The following FOXP1 variants were observed in gnomAD, a reference collection of about 807,000 sequenced individuals.
FOXP1 encodes the protein forkhead box P1.
FOXP1 carries 15 observed loss-of-function variants against 98.2 expected under a neutral mutation model. That is an observed-to-expected ratio of 0.15 (90% CI 0.10 to 0.24). The LOEUF (loss-of-function observed/expected upper bound fraction) is 0.24, where lower values mean the gene tolerates loss of function less well. Among genes scored for constraint, FOXP1 ranks in the 10% least tolerant of loss-of-function variants. The pLI is 1.00. For missense variants in FOXP1, 633 were observed against 848.5 expected, an observed-to-expected ratio of 0.75 and a Z score of 3.15; for synonymous variants, 371 against 314.5, an observed-to-expected ratio of 1.18 and a Z score of -1.90.
intron 5 of FOXP1, among the ~76,000 whole-genome samples, chr3:71,285,941 G>A (rs1328470902): frequency 6.6e-6 from 1 of 152,192 alleles, no homozygotes; most frequent in Non-Finnish European, 1.5e-5. Context: ...ATAAAGTCAT[G>A]TATCACTTCA....
At chr3:71,237,995 T>G (rs2066941368) in intron 5 of FOXP1, among the ~76,000 whole-genome samples, 1 of 152,342 alleles carries the variant, frequency 6.6e-6, no homozygotes, top group South Asian at 2.1e-4. Context: ...TAGGAGATTC[T>G]CAGTTACTTA....
intron 6 of FOXP1, among the ~76,000 whole-genome samples, chr3:71,158,031 T>C (rs1289567114): frequency 6.8e-6 from 1 of 147,218 alleles, no homozygotes; most frequent in East Asian, 2.0e-4. Flanking sequence ...GAGGTTACAG[T>C]GAGCCAAGAT....
At chr3:71,130,581 G>T (rs1176824106) in intron 6 of FOXP1, 3 of 1,598,458 alleles carry the variant, frequency 1.9e-6, no homozygotes, top group Non-Finnish European at 2.5e-6. Flanking sequence ...GGTTCTGGCT[G>T]TTTCTGCGAA....
At chr3:71,219,703 G>C (rs1183043725) in intron 5 of FOXP1, among the ~76,000 whole-genome samples, 1 of 152,184 alleles carries the variant, frequency 6.6e-6, no homozygotes, top group East Asian at 1.9e-4. Context: ...GGATTAAATA[G>C]AATAATACTA....
intron 5 of FOXP1, among the ~76,000 whole-genome samples, chr3:71,268,562 A>C (rs887701593): frequency 1.5e-5 from 2 of 129,834 alleles, no homozygotes; most frequent in Non-Finnish European, 3.1e-5. Flanking sequence ...TGAGAAAAAC[A>C]ACCAACATGG....
intron 6 of FOXP1, among the ~76,000 whole-genome samples, chr3:71,142,907 G>T (rs1461747832): frequency 6.6e-6 from 1 of 152,116 alleles, no homozygotes; most frequent in African/African-American, 2.4e-5. Context: ...TTCTCTTAAT[G>T]AGTAAGAACT....
intron 6 of FOXP1, among the ~76,000 whole-genome samples, chr3:71,135,858 T>A (rs1412694628): frequency 6.6e-6 from 1 of 152,146 alleles, no homozygotes; most frequent in Non-Finnish European, 1.5e-5. Context: ...ATTTAACTCT[T>A]CAAGGGCCAG....
At chr3:71,082,161 C>G (rs2054498169) in intron 7 of FOXP1, among the ~76,000 whole-genome samples, 1 of 152,020 alleles carries the variant, frequency 6.6e-6, no homozygotes. Flanking sequence ...CGCCTGTAAT[C>G]CCAGCTACTC....
chr3:71,259,017 C>A (rs769599063), intron 5 of FOXP1, among the ~76,000 whole-genome samples: 1 of 152,168 alleles, frequency 6.6e-6, no homozygotes, highest in Non-Finnish European at 1.5e-5. Context: ...TGGTGGCATG[C>A]GCCTGTAGTC....
At chr3:71,441,362 C>T (rs1233119461) in intron 3 of FOXP1, among the ~76,000 whole-genome samples, 3 of 152,238 alleles carry the variant, frequency 2.0e-5, no homozygotes, top group Middle Eastern at 3.2e-3. Context: ...CCACCGTGCA[C>T]AGCACAGACC....
At chr3:71,430,779 C>T (rs1276045423) in intron 3 of FOXP1, among the ~76,000 whole-genome samples, 1 of 152,116 alleles carries the variant, frequency 6.6e-6, no homozygotes, top group African/African-American at 2.4e-5. Context: ...TTAAACTCTG[C>T]CTTATGGTGT....
At chr3:71,502,537 A>G (rs1340675778) in intron 2 of FOXP1, among the ~76,000 whole-genome samples, 1 of 152,212 alleles carries the variant, frequency 6.6e-6, no homozygotes, top group Non-Finnish European at 1.5e-5. Flanking sequence ...TAAACAACTC[A>G]AGGTGGTAAA....
chr3:71,062,872 T>C lies in FOXP1; in HGVS notation c.283-9099A>G, dbSNP rs563269238. 1.5e-4 allele frequency among the ~76,000 whole-genome samples: 23 copies of C among 152,338 alleles called. No homozygotes were observed. The South Asian group carries it at 4.3e-3, about 29-fold the overall frequency. The stretch of plus-strand genomic sequence containing the variant: ...TTTCTTAGACGCTGGTATTGACCCA[T>C]ACTATTTTTTTAAAGAAAAAAATGT... On this transcript the variant is annotated intron_variant, in intron 7 of 20. Transcript: ENST00000649528.
chr3:71,510,112 C>T (rs1220972818), intron 2 of FOXP1, among the ~76,000 whole-genome samples: 4 of 151,794 alleles, frequency 2.6e-5, no homozygotes, highest in South Asian at 2.1e-4. Flanking sequence ...ACCCCGGAGG[C>T]GGAGGTTGTA....
At chr3:71,128,710 G>A (rs551115388) in intron 6 of FOXP1, among the ~76,000 whole-genome samples, 3 of 152,058 alleles carry the variant, frequency 2.0e-5, no homozygotes, top group East Asian at 1.9e-4. Context: ...CCACACAGTC[G>A]AACTACTGAG....
At position 70,956,054 on chromosome 3, in the gene FOXP1, GT is replaced by G. The variant is rs535202716; in HGVS notation, c.*3192del. The stretch of plus-strand genomic sequence containing the variant: ...TTCTGCAATTCCGTTACATACAGTA[GT>G]TTTTTTTCCAAAGCTATTTTTTTTT... On this transcript the variant is annotated 3_prime_UTR_variant, in exon 21 of 21. Transcript: ENST00000649528. 1.2e-3 allele frequency: 268 copies of G among 232,760 alleles called. No homozygotes were observed. Among genetic ancestry groups the G allele is most frequent in the Non-Finnish European group, 2.0e-3 (235 of 117,904 alleles). The allele number at this position is 232,760 out of a possible 1,614,324, so 14.4% of individuals were successfully genotyped here.
At chr3:70,989,896 C>A (rs1413204763) in intron 13 of FOXP1, among the ~76,000 whole-genome samples, 2 of 152,178 alleles carry the variant, frequency 1.3e-5, no homozygotes, top group Non-Finnish European at 2.9e-5. Context: ...AAGGAAACAT[C>A]TTCTCCATAT....
intron 5 of FOXP1, among the ~76,000 whole-genome samples, chr3:71,244,397 C>T (rs774686933): frequency 2.0e-5 from 3 of 151,384 alleles, no homozygotes; most frequent in South Asian, 2.1e-4. Flanking sequence ...GCCCTCCCCC[C>T]GAAGCACAGA....
intron 11 of FOXP1, among the ~76,000 whole-genome samples, chr3:71,019,029 C>T (rs1200112033): frequency 1.3e-5 from 2 of 152,156 alleles, no homozygotes; most frequent in African/African-American, 4.8e-5. Context: ...GCTTTGCAGT[C>T]GTTCTGTATG....
Sources: gnomAD v4.1 joint callset for allele counts (sites outside exome capture counted in the v4.1 genomes callset) on GRCh38, gnomAD v4.1.1 for gene constraint, MANE v1.5 for transcripts, NCBI Gene and HGNC (gene_info 2026-07-23, HGNC 2026-07-21) for gene names.